The following DNAH7 variants were observed in gnomAD, a reference collection of about 807,000 sequenced individuals.
DNAH7 encodes axonemal beta dynein heavy chain 7.
Under a neutral mutation model 444.6 loss-of-function variants are expected in DNAH7, and 397 were observed. The observed-to-expected ratio is 0.89, with a 90% CI of 0.82 to 0.97. The LOEUF (loss-of-function observed/expected upper bound fraction) is 0.97, where lower values mean the gene tolerates loss of function less well. Ranked by LOEUF, DNAH7 falls within the 50% of genes least tolerant of loss-of-function variation. The pLI is 0.00. For synonymous variants in DNAH7, 1,636 were observed against 1,624.4 expected (o/e 1.01, Z -0.17); for missense variants, 4,902 against 4,800.8 (o/e 1.02, Z -0.62).
At chr2:195,742,113 G>A (rs1574346107) in intron 63 of DNAH7, among the ~76,000 whole-genome samples, 1 of 152,110 alleles carries the variant, frequency 6.6e-6, no homozygotes, top group African/African-American at 2.4e-5. Context: ...TGGTAAAGCT[G>A]GATTGCAAAA....
intron 19 of DNAH7, among the ~76,000 whole-genome samples, chr2:195,950,304 G>A (rs1690131717): frequency 6.6e-6 from 1 of 152,072 alleles, no homozygotes; most frequent in Non-Finnish European, 1.5e-5. Flanking sequence ...AGTCTATTCA[G>A]GGATTCAACT....
At chr2:195,745,492 G>A (rs897171911) in intron 63 of DNAH7, among the ~76,000 whole-genome samples, 3 of 152,102 alleles carry the variant, frequency 2.0e-5, no homozygotes, top group African/African-American at 7.2e-5. Context: ...TCAGATTCAG[G>A]AAATACAGAG....
intron 47 of DNAH7, among the ~76,000 whole-genome samples, chr2:195,840,130 C>T (rs1698596524): frequency 6.6e-6 from 1 of 151,496 alleles, no homozygotes; most frequent in African/African-American, 2.4e-5. Flanking sequence ...AAATCGAATC[C>T]AAAAATATAT....
At chr2:195,935,503 GT>G (rs919321958) in intron 20 of DNAH7, among the ~76,000 whole-genome samples, 1 of 152,128 alleles carries the variant, frequency 6.6e-6, no homozygotes, top group African/African-American at 2.4e-5. Flanking sequence ...TCTATTCACT[GT>G]TTATATCAGA....
chr2:195,740,584 T>C (rs908428595), intron 64 of DNAH7, among the ~76,000 whole-genome samples, 182 bp downstream of exon 64: 13 of 47,790 alleles, frequency 2.7e-4, no homozygotes, highest in Non-Finnish European at 5.9e-4. Context: ...ATTGACTGTA[T>C]ATGTGTGTGT....
intron 8 of DNAH7, among the ~76,000 whole-genome samples, chr2:196,019,982 T>C (rs1421983378): frequency 7.0e-6 from 1 of 143,016 alleles, no homozygotes; most frequent in Non-Finnish European, 1.5e-5. Flanking sequence ...CTCCTTCACC[T>C]CCTCTTCCTC....
chr2:195,777,960 TACC>T lies in DNAH7; in HGVS notation c.10901_10903del (p.Arg3634_Tyr3635delinsHis). The T allele has an allele frequency of 6.2e-7, 1 of 1,613,828 alleles. No individual in the cohort carries two copies. Among genetic ancestry groups the T allele is most frequent in the Non-Finnish European group, 8.5e-7 (1 of 1,179,794 alleles). ...TCCGTAATTGCATTCGCCAGTCATG[TACC>T]GCAGAGCCTCATACGGCAGTTCCTA... On this transcript the variant is annotated inframe_deletion, in exon 59 of 65. Transcript: ENST00000312428.
chr2:195,824,961 C>T (rs1184968864), intron 48 of DNAH7: 1 of 152,512 alleles, frequency 6.6e-6, no homozygotes, highest in Admixed American at 6.5e-5. Flanking sequence ...AATTGACTCA[C>T]ACAGTATATA....
intron 46 of DNAH7, among the ~76,000 whole-genome samples, chr2:195,852,742 C>A (rs1335564321): frequency 6.6e-6 from 1 of 152,122 alleles, no homozygotes; most frequent in Non-Finnish European, 1.5e-5. Flanking sequence ...GGAGGCAAGG[C>A]AGGGAACGTG....
intron 8 of DNAH7, among the ~76,000 whole-genome samples, chr2:196,024,029 T>TATA (rs1695534073): frequency 6.6e-6 from 1 of 152,124 alleles, no homozygotes; most frequent in Non-Finnish European, 1.5e-5. Context: ...CCAAGATAAT[T>TATA]ATAATAGTAA....
intron 42 of DNAH7, among the ~76,000 whole-genome samples, chr2:195,861,043 T>C (rs949445083): frequency 6.6e-6 from 1 of 152,152 alleles, no homozygotes; most frequent in East Asian, 1.9e-4. Flanking sequence ...ATATAAATAA[T>C]GTATTAAAAA....
intron 19 of DNAH7, among the ~76,000 whole-genome samples, chr2:195,945,633 C>G (rs1689747712): frequency 6.6e-6 from 1 of 152,022 alleles, no homozygotes; most frequent in African/African-American, 2.4e-5. Context: ...TTTCAGCTCA[C>G]TAGATAGAGG....
intron 15 of DNAH7, among the ~76,000 whole-genome samples, chr2:195,983,339 T>C (rs1055561874): frequency 6.6e-6 from 1 of 151,964 alleles, no homozygotes; most frequent in Non-Finnish European, 1.5e-5. Context: ...AGAAAATAGG[T>C]TTTTTGGCTG....
rs761176287 is a variant in DNAH7, at chr2:195,872,255, G to A, written c.6628C>T (p.His2210Tyr). The part of the protein sequence containing the change: ...TTEVIKRLWV[H>Y]EVLRVYYDRL... Reference sequence around the variant, plus strand: ...TCAATAACAGGAAAATTTACCTCATGAACCCAAAGACGTTTAATCACTTCT... The same window carrying A: ...TCAATAACAGGAAAATTTACCTCATAAACCCAAAGACGTTTAATCACTTCT... The change falls in exon 40 of 65, where the codon CAT (histidine) becomes TAT (tyrosine). Residue 2210 changes from histidine (H) to tyrosine (Y), a missense_variant. Physicochemically the swap from His to Tyr is moderately conservative, Grantham distance 83. Transcript: ENST00000312428. The A allele has an allele frequency of 2.5e-6, 4 of 1,604,994 alleles. No individual in the cohort carries two copies. Among genetic ancestry groups the A allele is most frequent in the Non-Finnish European group, 3.4e-6 (4 of 1,174,942 alleles).
chr2:195,974,877 T>A lies in DNAH7; in HGVS notation c.1834-2411A>T, dbSNP rs528326536. Among the ~76,000 whole-genome samples, 4 of 152,032 alleles carry A rather than the reference T, an allele frequency of 2.6e-5. 1 individual carries two copies. In the South Asian group the frequency reaches 8.3e-4, roughly 32 times the overall value. On this transcript the variant is annotated intron_variant, in intron 15 of 64. Coordinates refer to ENST00000312428, the MANE Select transcript of DNAH7 (RefSeq NM_018897.3). ...TCCTTAAAGACTGATACGTAAAAATTGGTTCTAATGATTTTAACAAATTTT... is the reference window on the plus strand; with the variant it reads ...TCCTTAAAGACTGATACGTAAAAATAGGTTCTAATGATTTTAACAAATTTT...
Position 195,808,765 on chromosome 2 carries a change from A to G in DNAH7, c.10000T>C (p.Leu3334=). 6.2e-7 allele frequency: 1 copy of G among 1,614,010 alleles called. No individual in the cohort carries two copies. Among genetic ancestry groups the G allele is most frequent in the Non-Finnish European group, 8.5e-7 (1 of 1,179,938 alleles). ...PQKSWDEICR[L]DDLPAFKTIR... is the part of the protein sequence containing the mutation. ...GTTTTGAAGGCAGGCAAATCATCTA[A>G]TCGACATATTTCATCCCAGGATTTC... The change falls in exon 53 of 65, where the codon TTA becomes CTA. Residue 3334 remains leucine, a synonymous_variant. Transcript: ENST00000312428.
At chr2:196,044,506 T>G (rs570885146) in intron 5 of DNAH7, among the ~76,000 whole-genome samples, 33 of 152,196 alleles carry the variant, frequency 2.2e-4, no homozygotes, top group African/African-American at 7.9e-4. Flanking sequence ...ACTGTTTAGA[T>G]GATGAGTGCA....
At chr2:195,748,202 G>T (rs1461383991) in intron 63 of DNAH7, among the ~76,000 whole-genome samples, 1 of 152,140 alleles carries the variant, frequency 6.6e-6, no homozygotes. Flanking sequence ...CAGACAAACA[G>T]AGAGCCAAAT....
chr2:195,927,120 A>G (rs1368372150), intron 21 of DNAH7, among the ~76,000 whole-genome samples: 1 of 152,064 alleles, frequency 6.6e-6, no homozygotes, highest in African/African-American at 2.4e-5. Context: ...TGTACGATTC[A>G]TTCATGGAGA....
Sources: allele counts gnomAD v4.1 joint callset (sites outside exome capture counted in the v4.1 genomes callset), GRCh38; gene constraint gnomAD v4.1.1; transcripts MANE v1.5; gene names NCBI Gene and HGNC (gene_info 2026-07-23, HGNC 2026-07-21).